The following KCNQ1 variants were observed in gnomAD, a reference collection of about 807,000 sequenced individuals.
The protein encoded by KCNQ1 is potassium voltage-gated channel subfamily Q member 1, also known as potassium voltage-gated channel subfamily KQT member 1.
KCNQ1 carries 49 observed loss-of-function variants against 72.4 expected under a neutral mutation model. That is an observed-to-expected ratio of 0.68 (90% CI 0.54 to 0.86). The LOEUF is 0.86. Among genes scored for constraint, KCNQ1 ranks in the 40% least tolerant of loss-of-function variants. The pLI is 0.00. For missense variants in KCNQ1, 790 were observed against 945.1 expected (o/e 0.84, Z 2.15); for synonymous variants, 450 against 412.6 (o/e 1.09, Z -1.10).
At chr11:2,583,221 G>T (rs1406005039) in intron 6 of KCNQ1, among the ~76,000 whole-genome samples, 2 of 152,150 alleles carry the variant, frequency 1.3e-5, no homozygotes, top group African/African-American at 4.8e-5. Context: ...GTGCTGGTGG[G>T]ACATACCTTG....
chr11:2,651,370 G>C lies in KCNQ1; in HGVS notation c.1394-10591G>C. 2.5e-6 allele frequency: 1 copy of C among 398,766 alleles called. No homozygotes were observed. The highest frequency in any genetic ancestry group is 4.4e-5 in the Admixed American group (1 of 22,744). 24.7% of individuals were successfully genotyped at this position (398,766 alleles called of 1,614,324 possible). A position where few individuals can be genotyped will look rare whatever the true frequency, so the allele number is the denominator to read the frequency against. ...GAGCTGGGGTATTTATCTTTCACTAGTGAGTGCTGCCCCGGTGGTGGCTCA... is the reference window on the plus strand; with the variant it reads ...GAGCTGGGGTATTTATCTTTCACTACTGAGTGCTGCCCCGGTGGTGGCTCA... On this transcript the variant is annotated intron_variant, in intron 10 of 15. Coordinates refer to ENST00000155840, the MANE Select transcript of KCNQ1 (RefSeq NM_000218.3). The surrounding 1 kb of genome is among the most constrained non-coding windows in gnomAD (Gnocchi z 6.1).
chr11:2,594,709 A>G (rs1848712144), intron 10 of KCNQ1, among the ~76,000 whole-genome samples: 1 of 152,098 alleles, frequency 6.6e-6, no homozygotes. Flanking sequence ...TTCCTTCCCT[A>G]TAAATCCTTG....
rs1402594439 is a variant in KCNQ1, at chr11:2,769,871, A to G, written c.1590+952A>G. ...CACAGCCTCACCAGTCATAAGGCACAGCCCAGGAAGGCTCAGCAATGTCCG... is the reference window on the plus strand; with the variant it reads ...CACAGCCTCACCAGTCATAAGGCACGGCCCAGGAAGGCTCAGCAATGTCCG... On this transcript the variant is annotated intron_variant, in intron 12 of 15. Transcript: ENST00000155840. This position sits in a 1 kb window ranked among gnomAD's most constrained non-coding sequence, Gnocchi z 4.6. Among the ~76,000 whole-genome samples the G allele has an allele frequency of 4.6e-5, 7 of 152,098 alleles. No homozygotes were observed. In the East Asian group the frequency reaches 1.4e-3, roughly 29 times the overall value.
At position 2,564,649 on chromosome 11, in the gene KCNQ1, A is replaced by C. The variant is rs1326909941; in HGVS notation, c.478-5979A>C. Among the ~76,000 whole-genome samples the C allele has an allele frequency of 1.3e-5, 2 of 152,238 alleles. No homozygotes were observed. Among genetic ancestry groups the C allele is most frequent in the Non-Finnish European group, 2.9e-5 (2 of 68,036 alleles). ...CCATCTTAACCCTTTTTAAGATCAC[A>C]GTTCCTTGCGACCATCGCCACCATC... On this transcript the variant is annotated intron_variant, in intron 2 of 15. Transcript: ENST00000155840. This position sits in a 1 kb window ranked among gnomAD's most constrained non-coding sequence, Gnocchi z 4.5.
intron 15 of KCNQ1, among the ~76,000 whole-genome samples, chr11:2,836,460 G>C (rs1848067617): frequency 6.6e-6 from 1 of 152,172 alleles, no homozygotes; most frequent in African/African-American, 2.4e-5. Flanking sequence ...GGAGGTGGGA[G>C]AGCACAGCCT....
chr11:2,733,729 G>T (rs1845890142), intron 11 of KCNQ1, among the ~76,000 whole-genome samples: 1 of 149,280 alleles, frequency 6.7e-6, no homozygotes, highest in Non-Finnish European at 1.5e-5. Context: ...GAGGGCAGAG[G>T]CAGTGGAGAG....
chr11:2,481,770 T>G lies in KCNQ1; in HGVS notation c.386+36286T>G, dbSNP rs1179687566. Among the ~76,000 whole-genome samples the G allele has an allele frequency of 6.6e-6, 1 of 152,220 alleles. No homozygotes were observed. Among genetic ancestry groups the G allele is most frequent in the Non-Finnish European group, 1.5e-5 (1 of 68,030 alleles). ...AATCTAATGCCTGATGATCTGTCAC[T>G]GTCTCCCATCACCCCCAGATGGGAC... is the stretch of plus-strand genomic sequence containing the variant. On this transcript the variant is annotated intron_variant, in intron 1 of 15. Coordinates refer to ENST00000155840, the MANE Select transcript of KCNQ1 (RefSeq NM_000218.3). This position sits in a 1 kb window ranked among gnomAD's most constrained non-coding sequence, Gnocchi z 4.6.
At chr11:2,584,209 A>G (rs982603700) in intron 7 of KCNQ1, among the ~76,000 whole-genome samples, 1 of 152,178 alleles carries the variant, frequency 6.6e-6, no homozygotes, top group African/African-American at 2.4e-5. Context: ...CATGTATATC[A>G]GTATGTTTGC....
chr11:2,522,814 C>T (rs75322278), intron 1 of KCNQ1, among the ~76,000 whole-genome samples: 5 of 152,244 alleles, frequency 3.3e-5, no homozygotes, highest in Non-Finnish European at 5.9e-5. Flanking sequence ...CTGCCTCAGC[C>T]GCGATTCCAC....
At chr11:2,689,540 C>T (rs1850554892) in intron 11 of KCNQ1, 1 of 398,532 alleles carries the variant, frequency 2.5e-6, no homozygotes, top group Non-Finnish European at 4.4e-6. Flanking sequence ...ATGAAGCTTG[C>T]ACAGGAAGAA....
At position 2,673,365 on chromosome 11, in the gene KCNQ1, A is replaced by G. The variant is rs1012114487; in HGVS notation, c.1514+11284A>G. On this transcript the variant is annotated intron_variant, in intron 11 of 15. Coordinates refer to ENST00000155840, the MANE Select transcript of KCNQ1 (RefSeq NM_000218.3). The surrounding 1 kb of genome is among the most constrained non-coding windows in gnomAD (Gnocchi z 4.5). Reference sequence around the variant, plus strand: ...TCTCATTAGCAAACAAAGGGAAGTGACAGAGCAGAGCTCCCCTTGGCCTTT... The same window carrying G: ...TCTCATTAGCAAACAAAGGGAAGTGGCAGAGCAGAGCTCCCCTTGGCCTTT... 3.3e-5 allele frequency: 13 copies of G among 398,712 alleles called. No homozygotes were observed. Among genetic ancestry groups the G allele is most frequent in the African/African-American group, 2.7e-4 (13 of 48,766 alleles). 24.7% of individuals were successfully genotyped at this position (398,712 alleles called of 1,614,324 possible).
intron 11 of KCNQ1, among the ~76,000 whole-genome samples, chr11:2,765,258 C>T (rs970996985): frequency 2.0e-5 from 3 of 152,068 alleles, no homozygotes; most frequent in Non-Finnish European, 4.4e-5. Context: ...TCTTTGACCC[C>T]TGGGTTATTT....
Position 2,661,812 on chromosome 11 carries a change from C to A in KCNQ1, c.1394-149C>A. ...CATCTTAAACACCCACCCACCCCAACACCCAACTATAAAACTGATTGTCAG... is the reference window on the plus strand; with the variant it reads ...CATCTTAAACACCCACCCACCCCAAAACCCAACTATAAAACTGATTGTCAG... On this transcript the variant is annotated intron_variant, in intron 10 of 15. Coordinates refer to ENST00000155840, the MANE Select transcript of KCNQ1 (RefSeq NM_000218.3). The surrounding 1 kb of genome is among the most constrained non-coding windows in gnomAD (Gnocchi z 5.9). The A allele has an allele frequency of 4.4e-5, 40 of 905,148 alleles. No homozygotes were observed. Among genetic ancestry groups the A allele is most frequent in the Non-Finnish European group, 6.7e-5 (38 of 567,920 alleles). 56.1% of individuals were successfully genotyped at this position (905,148 alleles called of 1,614,324 possible).
chr11:2,529,996 T>C (rs1847590567), intron 2 of KCNQ1, among the ~76,000 whole-genome samples: 1 of 152,210 alleles, frequency 6.6e-6, no homozygotes, highest in Admixed American at 6.5e-5. Context: ...CTTCCTGGAA[T>C]AAACCCCCTT....
At chr11:2,788,889 T>TCTGC (rs1491376575) in intron 15 of KCNQ1, among the ~76,000 whole-genome samples, 1 of 152,098 alleles carries the variant, frequency 6.6e-6, no homozygotes, top group Admixed American at 6.5e-5. Flanking sequence ...GGTGGGTGTG[T>TCTGC]CTGCCAGGGA....
intron 1 of KCNQ1, among the ~76,000 whole-genome samples, chr11:2,489,828 T>A (rs973939366): frequency 1.3e-5 from 2 of 152,118 alleles, no homozygotes; most frequent in Non-Finnish European, 2.9e-5. Context: ...GAATTCATCA[T>A]CAGCTGACTA....
chr11:2,838,979 C>T (rs920306687), intron 15 of KCNQ1, among the ~76,000 whole-genome samples: 3 of 151,972 alleles, frequency 2.0e-5, no homozygotes. Context: ...AAACAGAGGC[C>T]GATGGGACGA....
Position 2,759,859 on chromosome 11 carries a change from G to C in KCNQ1, c.1515-8985G>C, listed in dbSNP as rs1300242557. On this transcript the variant is annotated intron_variant, in intron 11 of 15. Coordinates refer to ENST00000155840, the MANE Select transcript of KCNQ1 (RefSeq NM_000218.3). This position sits in a 1 kb window ranked among gnomAD's most constrained non-coding sequence, Gnocchi z 4.4. ...ATCTCCAGGCCCAGCCCCACCCTGA[G>C]CTGTACTGGACCCAAGCCCCAGGAC... Among the ~76,000 whole-genome samples, 1 of 152,110 alleles carries C rather than the reference G, an allele frequency of 6.6e-6. No individual in the cohort carries two copies. Among genetic ancestry groups the C allele is most frequent in the Admixed American group, 6.5e-5 (1 of 15,290 alleles).
At chr11:2,456,789 A>AT (rs1386187228) in intron 1 of KCNQ1, among the ~76,000 whole-genome samples, 1 of 123,556 alleles carries the variant, frequency 8.1e-6, no homozygotes, top group Non-Finnish European at 1.6e-5. Flanking sequence ...AAAAAAAAAA[A>AT]TTAGCCGGGC....
Sources: gnomAD v4.1 joint callset for allele counts (sites outside exome capture counted in the v4.1 genomes callset) on GRCh38, gnomAD v4.1.1 for gene constraint, Gnocchi (gnomAD v3.1) non-coding constraint, MANE v1.5 for transcripts, NCBI Gene and HGNC (gene_info 2026-07-23, HGNC 2026-07-21) for gene names.